The following NRG2 variants were observed in gnomAD, a reference collection of about 807,000 sequenced individuals.
NRG2 encodes pro-neuregulin-2, membrane-bound isoform.
A neutral mutation model predicts 73.9 loss-of-function variants in NRG2; 27 were observed. The ratio of observed to expected loss-of-function variants is 0.37; its 90% CI spans 0.27 to 0.50. NRG2 has a LOEUF of 0.50. Ranked by LOEUF, NRG2 falls within the 20% of genes least tolerant of loss-of-function variation. The pLI, the probability that NRG2 is intolerant of heterozygous loss-of-function variation, is 0.96. For synonymous variants in NRG2, 532 were observed against 541.0 expected (o/e 0.98, Z 0.23); for missense variants, 1,126 against 1,210.1 (o/e 0.93, Z 1.03).
chr5:139,861,740 A>G, intron 5 of NRG2: 1 of 517,460 alleles, frequency 1.9e-6, no homozygotes, highest in Non-Finnish European at 3.9e-6. Context: ...CTGAGTAGAC[A>G]GTACAAACTT....
At chr5:139,855,116 C>T (rs1406593108) in intron 6 of NRG2, among the ~76,000 whole-genome samples, 2 of 152,172 alleles carry the variant, frequency 1.3e-5, no homozygotes, top group Non-Finnish European at 2.9e-5. Flanking sequence ...CAGAGGGGGA[C>T]CAGCCCTGCC....
At chr5:139,966,349 C>T (rs1246723584) in intron 1 of NRG2, among the ~76,000 whole-genome samples, 3 of 152,164 alleles carry the variant, frequency 2.0e-5, no homozygotes, top group African/African-American at 7.2e-5. Flanking sequence ...TGTGAGGATC[C>T]CTCCACGAAA....
At chr5:140,006,838 T>C (rs1284759280) in intron 1 of NRG2, among the ~76,000 whole-genome samples, 1 of 152,228 alleles carries the variant, frequency 6.6e-6, no homozygotes, top group African/African-American at 2.4e-5. Context: ...CATGTTACTT[T>C]TCAAACAAGG....
At chr5:139,948,989 A>G (rs1753996939) in intron 1 of NRG2, among the ~76,000 whole-genome samples, 1 of 152,062 alleles carries the variant, frequency 6.6e-6, no homozygotes, top group Non-Finnish European at 1.5e-5. Flanking sequence ...AGTCTCGGTG[A>G]CCCTGAGGCT....
intron 1 of NRG2, among the ~76,000 whole-genome samples, chr5:139,898,515 G>T (rs1764689933): frequency 6.6e-6 from 1 of 152,170 alleles, no homozygotes; most frequent in African/African-American, 2.4e-5. Context: ...GTCACAGCCC[G>T]TTTGCCAGGT....
intron 1 of NRG2, among the ~76,000 whole-genome samples, chr5:139,893,751 G>T (rs1764370355): frequency 1.3e-5 from 2 of 152,320 alleles, no homozygotes; most frequent in South Asian, 4.1e-4. Flanking sequence ...TTGAGGTGTG[G>T]GGATGTGGGG....
At chr5:140,017,919 A>G (rs1051420595) in intron 1 of NRG2, among the ~76,000 whole-genome samples, 18 of 152,110 alleles carry the variant, frequency 1.2e-4, no homozygotes, top group African/African-American at 4.3e-4. Context: ...GAAGGGATGG[A>G]CCACAGGACA....
intron 1 of NRG2, among the ~76,000 whole-genome samples, chr5:139,898,538 A>G (rs1764691104): frequency 6.6e-6 from 1 of 152,152 alleles, no homozygotes; most frequent in African/African-American, 2.4e-5. Context: ...AAACCCCCAG[A>G]ATCCTCCCAA....
At position 139,853,132 on chromosome 5, in the gene NRG2, G is replaced by A. The variant is rs1761575353; in HGVS notation, c.1293-105C>T. On this transcript the variant is annotated intron_variant, in intron 6 of 9. Transcript: ENST00000361474. This position sits in a 1 kb window ranked among gnomAD's most constrained non-coding sequence, Gnocchi z 4.1. ...AACAGCTTTTCCTCCTGCCCAGGGTGGCCATGGCTACTGCTCGTCCCTGTA... is the reference window on the plus strand; with the variant it reads ...AACAGCTTTTCCTCCTGCCCAGGGTAGCCATGGCTACTGCTCGTCCCTGTA... 2.7e-6 allele frequency: 4 copies of A among 1,508,110 alleles called. No individual in the cohort carries two copies. The African/African-American group carries it at 5.5e-5, about 21-fold the overall frequency. The allele number at this position is 1,508,110 out of a possible 1,614,324, so 93.4% of individuals were successfully genotyped here.
At chr5:139,876,938 TG>T (rs1763216030) in intron 3 of NRG2, among the ~76,000 whole-genome samples, 1 of 151,158 alleles carries the variant, frequency 6.6e-6, no homozygotes, top group African/African-American at 2.4e-5. Flanking sequence ...TGTGTGTGTG[TG>T]TGTGTGTGTG....
At chr5:140,000,782 C>T (rs942662874) in intron 1 of NRG2, among the ~76,000 whole-genome samples, 3 of 152,172 alleles carry the variant, frequency 2.0e-5, no homozygotes, top group Non-Finnish European at 4.4e-5. Context: ...GGCAGAGGAG[C>T]GGCCATAGAT....
chr5:139,849,867 A>G (rs766501310), intron 9 of NRG2, among the ~76,000 whole-genome samples: 1 of 152,072 alleles, frequency 6.6e-6, no homozygotes, highest in Non-Finnish European at 1.5e-5. Flanking sequence ...CCTTCACTCT[A>G]TGCAGTTCCC....
intron 9 of NRG2, among the ~76,000 whole-genome samples, chr5:139,850,607 T>A (rs1218186663): frequency 3.9e-5 from 6 of 152,206 alleles, no homozygotes; most frequent in Admixed American, 2.0e-4. Context: ...GTGTGGAGTT[T>A]TTAGTACCAC....
intron 1 of NRG2, among the ~76,000 whole-genome samples, chr5:140,032,543 G>C (rs1347012430): frequency 6.6e-6 from 1 of 152,112 alleles, no homozygotes; most frequent in East Asian, 1.9e-4. Context: ...AATGTGTCTA[G>C]GAAAAAAGTG....
In NRG2 at chr5:139,902,378, A is replaced by G. The variant is rs144603825; in HGVS notation, c.701-14867T>C. On this transcript the variant is annotated intron_variant, in intron 1 of 9. Transcript: ENST00000361474. ...CACTGGCCTGGGTTTGTGTGGAGAG[A>G]GGTACCTCTTCCTGCTATTTGCTAA... 1.7e-3 allele frequency among the ~76,000 whole-genome samples: 262 copies of G among 152,268 alleles called. 1 individual carries two copies. Among genetic ancestry groups the G allele is most frequent in the African/African-American group, 6.1e-3 (252 of 41,550 alleles).
At chr5:139,924,555 A>G (rs2126336824) in intron 1 of NRG2, among the ~76,000 whole-genome samples, 1 of 152,272 alleles carries the variant, frequency 6.6e-6, no homozygotes, top group East Asian at 1.9e-4. Flanking sequence ...TTTGTGTTCT[A>G]ATGAAATGAT....
In NRG2 at chr5:139,961,702, T is replaced by C. The variant is rs200958349; in HGVS notation, c.701-74191A>G. Among the ~76,000 whole-genome samples, 13 of 152,262 alleles carry C rather than the reference T, an allele frequency of 8.5e-5. No individual in the cohort carries two copies. The East Asian group carries it at 2.3e-3, about 27-fold the overall frequency. On this transcript the variant is annotated intron_variant, in intron 1 of 9. Coordinates refer to ENST00000361474, the MANE Select transcript of NRG2 (RefSeq NM_004883.3). ...ATGTGTCACCAGCTCAGTCTCTAGA[T>C]TGTGGTTGGCCCCCTGCTCCCTGCT...
At chr5:139,981,274 C>T (rs1756780181) in intron 1 of NRG2, among the ~76,000 whole-genome samples, 1 of 152,190 alleles carries the variant, frequency 6.6e-6, no homozygotes, top group Admixed American at 6.5e-5. Flanking sequence ...TCCGACATCC[C>T]CTTCCTCCAG....
intron 1 of NRG2, among the ~76,000 whole-genome samples, chr5:140,022,131 A>C (rs909782335): frequency 5.3e-5 from 8 of 152,206 alleles, no homozygotes; most frequent in Non-Finnish European, 1.2e-4. Flanking sequence ...TTGCAGAACT[A>C]GGTACTGAAC....
Sources: gnomAD v4.1 joint callset for allele counts (sites outside exome capture counted in the v4.1 genomes callset) on GRCh38, gnomAD v4.1.1 for gene constraint, Gnocchi (gnomAD v3.1) non-coding constraint, MANE v1.5 for transcripts, NCBI Gene and HGNC (gene_info 2026-07-23, HGNC 2026-07-21) for gene names.